TSPOAP1: variants seen among roughly 807,000 people sequenced by gnomAD.
TSPOAP1 encodes peripheral-type benzodiazepine receptor-associated protein 1.
A neutral mutation model predicts 197.0 loss-of-function variants in TSPOAP1; 87 were observed. The observed-to-expected ratio is 0.44, with a 90% confidence interval of 0.37 to 0.53. TSPOAP1 has a LOEUF of 0.53. Among genes scored for constraint, TSPOAP1 ranks in the 20% least tolerant of loss-of-function variants. TSPOAP1 has a pLI of 0.00. For missense variants in TSPOAP1, 2,174 were observed against 2,411.3 expected (o/e 0.90, Z 2.06); for synonymous variants, 913 against 998.9 (o/e 0.91, Z 1.62).
chr17:58,317,331 GAC>G (rs1410325308), intron 14 of TSPOAP1, among the ~76,000 whole-genome samples: 1 of 152,234 alleles, frequency 6.6e-6, no homozygotes, highest in African/African-American at 2.4e-5. Context: ...CTAGCCGAGT[GAC>G]AGTGTGTCTG....
chr17:58,316,112 G>A lies in TSPOAP1; in HGVS notation c.2009C>T (p.Pro670Leu), dbSNP rs1971224611. 6.2e-7 allele frequency: 1 copy of A among 1,613,934 alleles called. No individual in the cohort carries two copies. The highest frequency in any genetic ancestry group is 1.7e-5 in the Admixed American group (1 of 59,994). Residue 670 changes from proline (P) to leucine (L), a missense_variant, in exon 16 of 32, where the codon CCC becomes CTC. Physicochemically the swap from Pro to Leu is moderately conservative, Grantham distance 98 (BLOSUM62 -3). Coordinates refer to ENST00000343736, the MANE Select transcript of TSPOAP1 (RefSeq NM_004758.4). ...AAGCTCTGCTTCTGGATTCTCATTG[G>A]GACCCTCAAAGGGGTTGTAGCTGTT... is the stretch of plus-strand genomic sequence containing the variant. ...ARYSYNPFEG[P>L]NENPEAELPL...
Position 58,309,912 on chromosome 17 carries a change from G to C in TSPOAP1, c.3891+55C>G. The C allele has an allele frequency of 1.9e-6, 3 of 1,555,362 alleles. No individual in the cohort carries two copies. Among genetic ancestry groups the C allele is most frequent in the Non-Finnish European group, 2.6e-6 (3 of 1,149,276 alleles). On this transcript the variant is annotated intron_variant, in intron 21 of 31. Transcript: ENST00000343736. The surrounding 1 kb of genome is among the most constrained non-coding windows in gnomAD (Gnocchi z 5.0). ...TCAGAGCACCTGCTGACACACAGTG[G>C]GGAGGCCCCGGAGTTTGAGGCCTGG...
intron 18 of TSPOAP1, 26 bp from the exon 19 acceptor site, chr17:58,311,239 G>T: frequency 1.2e-6 from 2 of 1,604,406 alleles, no homozygotes; most frequent in Non-Finnish European, 1.7e-6. Context: ...GGCACAGGAT[G>T]GGAAGCAGAG....
At chr17:58,316,901 A>C (rs1971254989) in intron 14 of TSPOAP1, among the ~76,000 whole-genome samples, 1 of 152,230 alleles carries the variant, frequency 6.6e-6, no homozygotes, top group Admixed American at 6.5e-5. Context: ...CTTAAGGTAA[A>C]AACTCAGCAA....
chr17:58,305,661 G>T lies in TSPOAP1; in HGVS notation c.5258-18C>A, dbSNP rs1041216722. ...AGGGGGGCCTGCAGGGGGAGTAGGA[G>T]AAGACTCTGGACTCTCTGGAGAGCC... On this transcript the variant is annotated intron_variant, in intron 27 of 31. Transcript: ENST00000343736. 7.1e-6 allele frequency: 10 copies of T among 1,402,004 alleles called. No individual in the cohort carries two copies. Among genetic ancestry groups the T allele is most frequent in the South Asian group, 6.7e-5 (5 of 74,974 alleles). 86.8% of individuals were successfully genotyped at this position (1,402,004 alleles called of 1,614,324 possible).
At position 58,322,440 on chromosome 17, in the gene TSPOAP1, A is replaced by G; in HGVS notation, c.1318-28T>C. 1.9e-6 allele frequency: 3 copies of G among 1,602,244 alleles called. No individual in the cohort carries two copies. Among genetic ancestry groups the G allele is most frequent in the Non-Finnish European group, 2.5e-6 (3 of 1,178,486 alleles). On this transcript the variant is annotated intron_variant, in intron 9 of 31. Transcript: ENST00000343736. This position sits in a 1 kb window ranked among gnomAD's most constrained non-coding sequence, Gnocchi z 5.0. ...GAAACACAAGATCTGAGTCAAGGCC[A>G]GAGCCCCTACTTGGCCATTTCTAGA...
At chr17:58,314,969 T>C (rs1223242369) in intron 16 of TSPOAP1, among the ~76,000 whole-genome samples, 2 of 152,266 alleles carry the variant, frequency 1.3e-5, no homozygotes, top group Admixed American at 1.3e-4. Context: ...TTATCCCAGA[T>C]CGCAGAGTTC....
Position 58,323,290 on chromosome 17 carries a change from G to T in TSPOAP1, c.1104+8C>A, listed in dbSNP as rs1219131054. 11 of 1,613,914 alleles carry T rather than the reference G, an allele frequency of 6.8e-6. No homozygotes were observed. The African/African-American group carries it at 1.5e-4, about 22-fold the overall frequency. On this transcript the variant is annotated splice_region_variant and intron_variant, in intron 7 of 31. Transcript: ENST00000343736. ...GAGCTGGCCTCTGGGTTGCCCTCAAGAGCTCACCAGCTCCTCACATCGCCT... is the reference window on the plus strand; with the variant it reads ...GAGCTGGCCTCTGGGTTGCCCTCAATAGCTCACCAGCTCCTCACATCGCCT...
In TSPOAP1 at chr17:58,322,566, T is replaced by C; in HGVS notation, c.1317+88A>G. 1.3e-6 allele frequency: 2 copies of C among 1,578,716 alleles called. No homozygotes were observed. Among genetic ancestry groups the C allele is most frequent in the Non-Finnish European group, 1.7e-6 (2 of 1,164,906 alleles). ...CAGCTCCAGGCCCAGGCCTCAGAGC[T>C]AGTGCCCCTCACTAAGAATATTCTG... is the stretch of plus-strand genomic sequence containing the variant. On this transcript the variant is annotated intron_variant, in intron 9 of 31. Coordinates refer to ENST00000343736, the MANE Select transcript of TSPOAP1 (RefSeq NM_004758.4). The surrounding 1 kb of genome is among the most constrained non-coding windows in gnomAD (Gnocchi z 5.0).
chr17:58,316,652 G>A, intron 14 of TSPOAP1, 112 bp from the exon 15 acceptor site: 2 of 727,726 alleles, frequency 2.7e-6, no homozygotes, highest in Non-Finnish European at 2.2e-6. Flanking sequence ...GGGAAAATGA[G>A]CACATACATG....
At chr17:58,307,157 T>G (rs1373517082) in intron 24 of TSPOAP1, among the ~76,000 whole-genome samples, 189 bp from the exon 25 acceptor site, 2 of 152,220 alleles carry the variant, frequency 1.3e-5, no homozygotes, top group African/African-American at 4.8e-5. Context: ...CTTTCTGTAT[T>G]ATCCCCATTC....
intron 5 of TSPOAP1, among the ~76,000 whole-genome samples, chr17:58,323,897 C>A (rs1026782010): frequency 3.3e-5 from 5 of 152,210 alleles, no homozygotes; most frequent in Non-Finnish European, 7.3e-5. Context: ...TGTCCTTCAG[C>A]GACTGGCAGA....
chr17:58,309,380 A>C lies in TSPOAP1; in HGVS notation c.3892T>G (p.Ser1298Ala). 1 of 1,605,766 alleles carries C rather than the reference A, an allele frequency of 6.2e-7. No homozygotes were observed. The highest frequency in any genetic ancestry group is 8.5e-7 in the Non-Finnish European group (1 of 1,176,894). Residue 1298 changes from serine (S) to alanine (A), a missense_variant and splice_region_variant, in exon 22 of 32, where the codon TCC becomes GCC. By Grantham distance (99) the Ser-to-Ala change is moderately conservative. Around this residue, in one of 5 missense-constraint regions of TSPOAP1, gnomAD observed 1,933 missense variants for 2,139.0 expected, o/e 0.90. Coordinates refer to ENST00000343736, the MANE Select transcript of TSPOAP1 (RefSeq NM_004758.4). This position sits in a 1 kb window ranked among gnomAD's most constrained non-coding sequence, Gnocchi z 5.0. ...GTCTCACAAAAGGGGTCGGGCTGGG[A>C]CTGGTGGAGGTGGGGAGGTGGGAGT... ...GNSIRENGAK[S>A]QPDPFCETDS...
intron 24 of TSPOAP1, 97 bp from the exon 25 acceptor site, chr17:58,307,065 T>C: frequency 7.6e-7 from 1 of 1,320,194 alleles, no homozygotes; most frequent in Non-Finnish European, 1.0e-6. Flanking sequence ...TGCAGAAGAA[T>C]GTTCTCCCTT....
chr17:58,327,518 C>G, intron 1 of TSPOAP1, 70 bp downstream of exon 1: 2 of 1,526,626 alleles, frequency 1.3e-6, no homozygotes, highest in Non-Finnish European at 8.9e-7. Context: ...CGCCTCACCT[C>G]CTGGCCAGGC....
Position 58,326,220 on chromosome 17 carries a change from A to G in TSPOAP1, c.570+73T>C. 1 of 1,584,334 alleles carries G rather than the reference A, an allele frequency of 6.3e-7. No individual in the cohort carries two copies. Among genetic ancestry groups the G allele is most frequent in the Non-Finnish European group, 8.6e-7 (1 of 1,165,840 alleles). ...AGACCGTGACTCCCAAGCTTCAGAC[A>G]GCCCTCAGGCCCAGCCCTGGCTCCC... On this transcript the variant is annotated intron_variant, in intron 3 of 31. Transcript: ENST00000343736. This position sits in a 1 kb window ranked among gnomAD's most constrained non-coding sequence, Gnocchi z 4.7.
chr17:58,320,641 A>AG, intron 10 of TSPOAP1, 60 bp from the exon 11 acceptor site: 1 of 1,292,670 alleles, frequency 7.7e-7, no homozygotes, highest in Non-Finnish European at 1.0e-6. Flanking sequence ...TGGAGTAGAG[A>AG]GGGCTGCGAG....
intron 18 of TSPOAP1, 141 bp downstream of exon 18, chr17:58,311,430 C>T (rs2143038417): frequency 7.6e-7 from 1 of 1,310,758 alleles, no homozygotes; most frequent in Non-Finnish European, 1.0e-6. Context: ...CTGCCAAAGC[C>T]CATGCTCTTA....
At chr17:58,320,628 G>A in intron 10 of TSPOAP1, 47 bp from the exon 11 acceptor site, 1 of 1,372,998 alleles carries the variant, frequency 7.3e-7, no homozygotes, top group Non-Finnish European at 9.5e-7. Context: ...AGAAGGAATG[G>A]GGTGGAGTAG....
Sources: gnomAD v4.1 joint callset for allele counts (sites outside exome capture counted in the v4.1 genomes callset) on GRCh38, gnomAD v4.1.1 for gene constraint, gnomAD v4.1.1 regional missense constraint, Gnocchi (gnomAD v3.1) non-coding constraint, MANE v1.5 for transcripts, NCBI Gene and HGNC (gene_info 2026-07-23, HGNC 2026-07-21) for gene names.